AXIN2: variants seen among roughly 807,000 people sequenced by gnomAD.
The protein encoded by AXIN2 is axin-2.
AXIN2 carries 21 observed loss-of-function variants against 74.7 expected under a neutral mutation model. That is an observed-to-expected ratio of 0.28 (90% CI 0.20 to 0.40). The LOEUF is 0.40. AXIN2 is among the 10% of genes least tolerant of loss of function. The pLI is 1.00. For synonymous variants in AXIN2, 532 were observed against 454.9 expected (o/e 1.17, Z -2.16); for missense variants, 1,144 against 1,111.1 (o/e 1.03, Z -0.42).
At chr17:65,542,803 A>G (rs1243838523) in intron 3 of AXIN2, among the ~76,000 whole-genome samples, 1 of 152,214 alleles carries the variant, frequency 6.6e-6, no homozygotes, top group Non-Finnish European at 1.5e-5. Flanking sequence ...ATAATGAATC[A>G]TACTTGGAGG....
Position 65,529,239 on chromosome 17 carries a change from C to A in AXIN2, c.*737G>T, listed in dbSNP as rs576136173. ...CCCGAAGGAGCAGGGTTCCCTGCCT[C>A]TCCCTCTGCAACAGATCATCCCATC... On this transcript the variant is annotated 3_prime_UTR_variant, in exon 11 of 11. Coordinates refer to ENST00000307078, the MANE Select transcript of AXIN2 (RefSeq NM_004655.4). 14 of 235,036 alleles carry A rather than the reference C, an allele frequency of 6.0e-5. No homozygotes were observed. In the South Asian group the frequency reaches 2.5e-3, roughly 42 times the overall value. The allele number at this position is 235,036 out of a possible 1,614,324, so 14.6% of individuals were successfully genotyped here. A position where few individuals can be genotyped will look rare whatever the true frequency, so the allele number is the denominator to read the frequency against.
rs777775745 is a variant in AXIN2 at position 65,541,433 on chromosome 17, C to T, written c.1059+22G>A. On this transcript the variant is annotated intron_variant, in intron 4 of 10. Coordinates refer to ENST00000307078, the MANE Select transcript of AXIN2 (RefSeq NM_004655.4). ...TCAACATGGCAGAAAACAGCTGTCTCCTCACTCCAGACTGTACTCACCGGG... is the reference window on the plus strand; with the variant it reads ...TCAACATGGCAGAAAACAGCTGTCTTCTCACTCCAGACTGTACTCACCGGG... 5.0e-6 allele frequency: 8 copies of T among 1,595,746 alleles called. No homozygotes were observed. The African/African-American group carries it at 6.7e-5, about 13-fold the overall frequency.
At chr17:65,538,508 G>T (rs1383414329) in intron 4 of AXIN2, among the ~76,000 whole-genome samples, 165 bp from the exon 5 acceptor site, 1 of 151,824 alleles carries the variant, frequency 6.6e-6, no homozygotes, top group African/African-American at 2.4e-5. Context: ...ATGCGCTAGC[G>T]CCATGGCCTC....
Position 65,536,485 on chromosome 17 carries a change from C to A in AXIN2, c.1976G>T (p.Arg659Leu), listed in dbSNP as rs730881400. ...ARSSPGERAS[R>L]HHLWGGNSGH... ...GCTGTTGCCCCCCCACAGATGGTGC[C>A]GGCTGGCTCGTTCGCCTGGAGACGA... The change falls in exon 8 of 11, where the codon CGG becomes CTG. Residue 659 changes from arginine to leucine, a missense_variant. Physicochemically the swap from Arg to Leu is moderately radical, Grantham distance 102. Coordinates refer to ENST00000307078, the MANE Select transcript of AXIN2 (RefSeq NM_004655.4). 6.2e-7 allele frequency: 1 copy of A among 1,613,788 alleles called. No individual in the cohort carries two copies. Among genetic ancestry groups the A allele is most frequent in the South Asian group, 1.1e-5 (1 of 91,078 alleles).
chr17:65,538,018 C>A, intron 5 of AXIN2, 183 bp from the exon 6 acceptor site: 2 of 1,329,120 alleles, frequency 1.5e-6, no homozygotes, highest in Non-Finnish European at 2.1e-6. Context: ...ATATGCACAC[C>A]CACACGCAAC....
intron 7 of AXIN2, 95 bp from the exon 8 acceptor site, chr17:65,536,648 TCAGAGA>T (rs2043925774): frequency 1.4e-6 from 2 of 1,481,286 alleles, no homozygotes; most frequent in African/African-American, 1.4e-5. Context: ...TCTATTCTGC[TCAGAGA>T]GAGAGTTAAA....
At chr17:65,543,599 A>AGTC (rs1245077053) in intron 3 of AXIN2, among the ~76,000 whole-genome samples, 1 of 152,222 alleles carries the variant, frequency 6.6e-6, no homozygotes, top group Non-Finnish European at 1.5e-5. Flanking sequence ...CTAGTGTTAC[A>AGTC]GTCAGTAGCA....
At chr17:65,534,988 C>A (rs1018309576) in intron 9 of AXIN2, among the ~76,000 whole-genome samples, 17 of 152,060 alleles carry the variant, frequency 1.1e-4, no homozygotes, top group African/African-American at 3.6e-4. Context: ...TTAGGGTCAA[C>A]CAATTGAAAC....
rs1306140796 is a variant in AXIN2, at chr17:65,538,038, T to C, written c.1200+165A>G. On this transcript the variant is annotated intron_variant, in intron 5 of 10. Transcript: ENST00000307078. Reference sequence around the variant, plus strand: ...CACACCCACACGCAACCCATGCACATGCGCACACAGCCCACGCCCAGGCAC... The same window carrying C: ...CACACCCACACGCAACCCATGCACACGCGCACACAGCCCACGCCCAGGCAC... 38 of 1,395,054 alleles carry C rather than the reference T, an allele frequency of 2.7e-5. 2 individuals carry two copies. Among genetic ancestry groups the C allele is most frequent in the Middle Eastern group, 2.4e-4 (1 of 4,176 alleles). The allele number at this position is 1,395,054 out of a possible 1,614,324, so 86.4% of individuals were successfully genotyped here.
Position 65,558,578 on chromosome 17 carries a change from T to A in AXIN2, c.43A>T (p.Ser15Cys). 6.2e-7 allele frequency: 1 copy of A among 1,611,788 alleles called. No homozygotes were observed. The highest frequency in any genetic ancestry group is 8.5e-7 in the Non-Finnish European group (1 of 1,179,998). ...CGCGGGGCATCCTCACGGAAGCTGCTGCTGGGGTCCGGGAGGCAAGTCACC... is the reference window on the plus strand; with the variant it reads ...CGCGGGGCATCCTCACGGAAGCTGCAGCTGGGGTCCGGGAGGCAAGTCACC... ...MLVTCLPDPS[S>C]SFREDAPRPP... Residue 15 changes from serine to cysteine, a missense_variant, in exon 2 of 11, where the codon AGC becomes TGC. By Grantham distance (112) the Ser-to-Cys change is moderately radical. Transcript: ENST00000307078.
Position 65,558,582 on chromosome 17 carries a change from G to A in AXIN2, c.39C>T (p.Pro13=), listed in dbSNP as rs1060504478. Residue 13 remains proline (P), a synonymous_variant, in exon 2 of 11, where the codon CCC becomes CCT. Transcript: ENST00000307078. The part of the protein sequence containing the change: ...SAMLVTCLPD[P]SSSFREDAPR... ...GGGCATCCTCACGGAAGCTGCTGCT[G>A]GGGTCCGGGAGGCAAGTCACCAACA... 4 of 1,611,062 alleles carry A rather than the reference G, an allele frequency of 2.5e-6. No individual in the cohort carries two copies. Among genetic ancestry groups the A allele is most frequent in the Admixed American group, 3.3e-5 (2 of 60,008 alleles).
chr17:65,541,023 C>T lies in AXIN2; in HGVS notation c.1059+432G>A, dbSNP rs138426374. ...TCCCAAGTAGCTGGGACTACAGGCG[C>T]ACGTCACCACGCTAGGCTAATTTTT... On this transcript the variant is annotated intron_variant, in intron 4 of 10. Coordinates refer to ENST00000307078, the MANE Select transcript of AXIN2 (RefSeq NM_004655.4). Among the ~76,000 whole-genome samples, 544 of 152,172 alleles carry T rather than the reference C, an allele frequency of 3.6e-3. 4 individuals are homozygous for T. Among genetic ancestry groups the T allele is most frequent in the African/African-American group, 0.013 (527 of 41,522 alleles).
rs1567752141 is a variant in AXIN2 at position 65,534,029 on chromosome 17, T to A, written c.2288A>T (p.Glu763Val). The A allele has an allele frequency of 6.2e-7, 1 of 1,614,244 alleles. No homozygotes were observed. Residue 763 changes from glutamate (E) to valine (V), a missense_variant, in exon 10 of 11, where the codon GAG becomes GTG. Physicochemically the swap from Glu to Val is moderately radical, Grantham distance 121. Around this residue, in one of 4 missense-constraint regions of AXIN2, gnomAD observed 1,053 missense variants for 973.5 expected, o/e 1.08. Transcript: ENST00000307078. ...ACAGAAAAAGTAAGTGACAACCAAC[T>A]CACTGGCCTGGAGCGCGTGGACACC... ...LAGVHALQAS[E>V]LVVTYFFCGE...
In AXIN2 at chr17:65,541,518, C is replaced by A. The variant is rs773403638; in HGVS notation, c.996G>T (p.Gln332His). 1.9e-6 allele frequency: 3 copies of A among 1,614,154 alleles called. No individual in the cohort carries two copies. The South Asian group carries it at 3.3e-5, about 18-fold the overall frequency. Residue 332 changes from glutamine (Q) to histidine (H), a missense_variant, in exon 4 of 11, where the codon CAG (glutamine) becomes CAT (histidine). Gln to His is a conservative substitution (Grantham distance 24, BLOSUM62 0). This residue lies in a region of AXIN2 where 1,053 missense variants were observed against 973.5 expected (regional missense o/e 1.08). Coordinates refer to ENST00000307078, the MANE Select transcript of AXIN2 (RefSeq NM_004655.4). ...CACTGCGATGCATTTCTCTCTGGAG[C>A]TGTTTCTTACTGCCCACACGATAAG... ...IPPYRVGSKK[Q>H]LQREMHRSVK...
chr17:65,549,315 C>G (rs1001548251), intron 3 of AXIN2, among the ~76,000 whole-genome samples: 2 of 152,212 alleles, frequency 1.3e-5, no homozygotes, highest in Non-Finnish European at 2.9e-5. Flanking sequence ...TTTCAAAGCT[C>G]TAAGCTTTAC....
chr17:65,537,114 G>T (rs752309247), intron 6 of AXIN2, 51 bp from the exon 7 acceptor site: 26 of 1,577,476 alleles, frequency 1.6e-5, no homozygotes, highest in Non-Finnish European at 2.1e-5. Flanking sequence ...TTAAATCTCC[G>T]GGACTCCTAG....
chr17:65,554,205 T>TGACAGAACTGACCA (rs1187956696), intron 2 of AXIN2, among the ~76,000 whole-genome samples: 7 of 152,198 alleles, frequency 4.6e-5, no homozygotes, highest in Admixed American at 3.9e-4. Flanking sequence ...AGAACTGACC[T>TGACAGAACTGACCA]GACAGAACTG....
chr17:65,533,819 C>CCCCAAGTGA, intron 10 of AXIN2, 93 bp downstream of exon 10: 1 of 1,276,878 alleles, frequency 7.8e-7, no homozygotes, highest in Non-Finnish European at 1.1e-6. Flanking sequence ...CCTGCCCCAC[C>CCCCAAGTGA]TAGGTCTGCT....
intron 4 of AXIN2, among the ~76,000 whole-genome samples, chr17:65,538,756 T>C (rs2043992299): frequency 8.5e-6 from 1 of 118,006 alleles, no homozygotes; most frequent in Non-Finnish European, 1.7e-5. Context: ...GAATAGAAAG[T>C]AGAATCTAAA....
Sources: allele counts gnomAD v4.1 joint callset (sites outside exome capture counted in the v4.1 genomes callset), GRCh38; gene constraint gnomAD v4.1.1; regional missense constraint gnomAD v4.1.1; transcripts MANE v1.5; gene names NCBI Gene and HGNC (gene_info 2026-07-23, HGNC 2026-07-21).